Variants in CCDC85A observed in about 807,000 individuals in gnomAD.
The protein encoded by CCDC85A is coiled-coil domain-containing protein 85A.
CCDC85A carries 38 observed loss-of-function variants against 50.2 expected under a neutral mutation model. The observed-to-expected ratio is 0.76, with a 90% CI of 0.58 to 0.99. The LOEUF (loss-of-function observed/expected upper bound fraction) is 0.99, where lower values mean the gene tolerates loss of function less well. CCDC85A is among the 50% of genes least tolerant of loss of function. The probability of loss-of-function intolerance (pLI) is 0.00; values close to 1 mark genes in which losing one functional copy is unlikely to be tolerated. For missense variants in CCDC85A, 820 were observed against 742.0 expected, an observed-to-expected ratio of 1.11 and a Z score of -1.22; for synonymous variants, 366 against 301.4, an observed-to-expected ratio of 1.21 and a Z score of -2.22.
At chr2:56,285,554 C>T (rs1671404576) in intron 2 of CCDC85A, among the ~76,000 whole-genome samples, 1 of 142,132 alleles carries the variant, frequency 7.0e-6, no homozygotes, top group Non-Finnish European at 1.5e-5. Context: ...TATAATATAA[C>T]ATAATATATA....
chr2:56,350,767 T>G (rs895004615), intron 3 of CCDC85A, among the ~76,000 whole-genome samples: 1 of 151,126 alleles, frequency 6.6e-6, no homozygotes, highest in Non-Finnish European at 1.5e-5. Context: ...TTTTTTTTTT[T>G]CTATTGCATG....
chr2:56,380,375 A>C (rs1013829270), intron 5 of CCDC85A, among the ~76,000 whole-genome samples: 2 of 152,066 alleles, frequency 1.3e-5, no homozygotes, highest in Admixed American at 6.6e-5. Context: ...AGAATATAGT[A>C]AGGTAAGAAA....
chr2:56,195,584 A>G (rs923806727), intron 2 of CCDC85A, among the ~76,000 whole-genome samples: 1 of 152,256 alleles, frequency 6.6e-6, no homozygotes, highest in Admixed American at 6.5e-5. Context: ...GCCTATAAAC[A>G]TGGGCATTGG....
intron 2 of CCDC85A, among the ~76,000 whole-genome samples, chr2:56,250,399 AAGTAAACTGTC>A (rs1669701101): frequency 6.6e-6 from 1 of 152,196 alleles, no homozygotes; most frequent in Non-Finnish European, 1.5e-5. Context: ...TTAGAAAACA[AAGTAAACTGTC>A]TGCTTGAACA....
At chr2:56,206,989 A>T (rs372863839) in intron 2 of CCDC85A, among the ~76,000 whole-genome samples, 1 of 152,162 alleles carries the variant, frequency 6.6e-6, no homozygotes, top group Non-Finnish European at 1.5e-5. Flanking sequence ...AATAGGACCT[A>T]GTTGCCTGGG....
At position 56,184,561 on chromosome 2, in the gene CCDC85A, GC is replaced by G. The variant is rs1237564828; in HGVS notation, c.-61del. 1 of 1,357,294 alleles carries G rather than the reference GC, an allele frequency of 7.4e-7. No individual in the cohort carries two copies. The highest frequency in any genetic ancestry group is 9.4e-7 in the Non-Finnish European group (1 of 1,063,458). 84.1% of individuals were successfully genotyped at this position (1,357,294 alleles called of 1,614,324 possible). A position where few individuals can be genotyped will look rare whatever the true frequency, so the allele number is the denominator to read the frequency against. ...GTGTGGGCGGAGGCGGCCTCGCCGC[GC>G]CCGCGCCTTCGGGAGTCGCCTCGCC... On this transcript the variant is annotated 5_prime_UTR_variant, in exon 1 of 6. Transcript: ENST00000407595.
At chr2:56,300,549 T>C (rs1672155229) in intron 2 of CCDC85A, among the ~76,000 whole-genome samples, 1 of 152,152 alleles carries the variant, frequency 6.6e-6, no homozygotes, top group Non-Finnish European at 1.5e-5. Context: ...CCAGTGACAC[T>C]AGTTAGATGC....
At chr2:56,225,449 A>G (rs758672285) in intron 2 of CCDC85A, among the ~76,000 whole-genome samples, 2 of 152,100 alleles carry the variant, frequency 1.3e-5, no homozygotes, top group Non-Finnish European at 2.9e-5. Context: ...TTAACCATAA[A>G]TGTCGGGGTT....
At chr2:56,239,408 G>A (rs149630360) in intron 2 of CCDC85A, among the ~76,000 whole-genome samples, 74 of 152,170 alleles carry the variant, frequency 4.9e-4, no homozygotes, top group African/African-American at 1.7e-3. Context: ...AAATTACTCT[G>A]TAGGGTTAAT....
Position 56,372,433 on chromosome 2 carries a change from G to T in CCDC85A, c.1407G>T (p.Trp469Cys), listed in dbSNP as rs371162005. ...WGSRARRVLQ[W>C]WQGCRGIGRC... is the part of the protein sequence containing the mutation. ...CCAGAGCCCGGCGGGTCTTGCAGTG[G>T]TGGCAAGGGTGCCGAGGAATAGGAC... The change falls in exon 4 of 6, where the codon TGG becomes TGT. Residue 469 changes from tryptophan (W) to cysteine (C), a missense_variant. Coordinates refer to ENST00000407595, the MANE Select transcript of CCDC85A (RefSeq NM_001080433.2). 170 of 1,609,672 alleles carry T rather than the reference G, an allele frequency of 1.1e-4. No homozygotes were observed. The highest frequency in any genetic ancestry group is 1.4e-4 in the Non-Finnish European group (163 of 1,178,036).
intron 2 of CCDC85A, among the ~76,000 whole-genome samples, chr2:56,233,958 A>G (rs946709255): frequency 2.6e-5 from 4 of 152,202 alleles, no homozygotes; most frequent in Admixed American, 2.0e-4. Context: ...TCAAATTGGA[A>G]ATGCAAGGGC....
At chr2:56,279,390 C>G (rs1003801987) in intron 2 of CCDC85A, among the ~76,000 whole-genome samples, 1 of 152,080 alleles carries the variant, frequency 6.6e-6, no homozygotes, top group African/African-American at 2.4e-5. Flanking sequence ...CAAAGAACCT[C>G]CATAACCATT....
At chr2:56,267,632 T>A (rs1670511512) in intron 2 of CCDC85A, among the ~76,000 whole-genome samples, 1 of 152,134 alleles carries the variant, frequency 6.6e-6, no homozygotes, top group South Asian at 2.1e-4. Context: ...GTTTACTGAG[T>A]ACACATGGCC....
Position 56,184,614 on chromosome 2 carries a change from C to T in CCDC85A, c.-11C>T. On this transcript the variant is annotated 5_prime_UTR_variant, in exon 1 of 6. Transcript: ENST00000407595. ...CTTCCACCCACTTGCACCTGCCACC[C>T]CGCGGATACCATGTCGAAGGCGGCC... The T allele has an allele frequency of 7.1e-7, 1 of 1,415,798 alleles. No homozygotes were observed. Among genetic ancestry groups the T allele is most frequent in the Non-Finnish European group, 9.1e-7 (1 of 1,100,002 alleles). The allele number at this position is 1,415,798 out of a possible 1,614,324, so 87.7% of individuals were successfully genotyped here. A position where few individuals can be genotyped will look rare whatever the true frequency, so the allele number is the denominator to read the frequency against.
At chr2:56,329,906 G>A (rs1257011037) in intron 2 of CCDC85A, among the ~76,000 whole-genome samples, 1 of 120,876 alleles carries the variant, frequency 8.3e-6, no homozygotes, top group African/African-American at 3.0e-5. Flanking sequence ...CATATTTATA[G>A]GTTTACTTTC....
At chr2:56,196,130 C>G (rs1676511018) in intron 2 of CCDC85A, among the ~76,000 whole-genome samples, 1 of 152,152 alleles carries the variant, frequency 6.6e-6, no homozygotes, top group Non-Finnish European at 1.5e-5. Context: ...TATTTTTTCT[C>G]TCTTAAAAAC....
chr2:56,196,562 A>G (rs1214709322), intron 2 of CCDC85A, among the ~76,000 whole-genome samples: 4 of 152,198 alleles, frequency 2.6e-5, no homozygotes, highest in Non-Finnish European at 4.4e-5. Flanking sequence ...ACAAAATGAA[A>G]GAGTTGTGCT....
rs980190209 is a variant in CCDC85A at position 56,336,427 on chromosome 2, T to G, written c.1241-6452T>G. 2.0e-5 allele frequency among the ~76,000 whole-genome samples: 3 copies of G among 152,208 alleles called. No individual in the cohort carries two copies. The East Asian group carries it at 5.8e-4, about 29-fold the overall frequency. On this transcript the variant is annotated intron_variant, in intron 2 of 5. Coordinates refer to ENST00000407595, the MANE Select transcript of CCDC85A (RefSeq NM_001080433.2). The stretch of plus-strand genomic sequence containing the variant: ...CCTTGGCCTCCCAAAGTGCTAGGAC[T>G]GTAGGTGCAAGCCAGTGTGCCCAGC...
At chr2:56,238,741 T>C (rs1177721334) in intron 2 of CCDC85A, among the ~76,000 whole-genome samples, 1 of 152,178 alleles carries the variant, frequency 6.6e-6, no homozygotes, top group Non-Finnish European at 1.5e-5. Flanking sequence ...ATAAGACCAC[T>C]ATATAAGAGT....
Sources: allele counts gnomAD v4.1 joint callset (sites outside exome capture counted in the v4.1 genomes callset), GRCh38; gene constraint gnomAD v4.1.1; transcripts MANE v1.5; gene names NCBI Gene and HGNC (gene_info 2026-07-23, HGNC 2026-07-21).